Variants in ECPAS observed in about 807,000 individuals in gnomAD.
ECPAS encodes the protein Ecm29 proteasome adaptor and scaffold.
A neutral mutation model predicts 255.1 loss-of-function variants in ECPAS; 70 were observed. The observed-to-expected ratio is 0.27, with a 90% CI of 0.23 to 0.33. ECPAS has a LOEUF of 0.33. Ranked by LOEUF, ECPAS falls within the 10% of genes least tolerant of loss-of-function variation. The probability of loss-of-function intolerance (pLI) is 1.00; values close to 1 mark genes in which losing one functional copy is unlikely to be tolerated. For synonymous variants in ECPAS, 784 were observed against 775.0 expected (o/e 1.01, Z -0.19); for missense variants, 1,817 against 2,206.4 (o/e 0.82, Z 3.54).
intron 49 of ECPAS, 62 bp downstream of exon 49, chr9:111,363,526 A>G: frequency 9.7e-7 from 1 of 1,025,654 alleles, no homozygotes; most frequent in Non-Finnish European, 1.5e-6. Context: ...CGAAACAAAA[A>G]ATTTCTAAAA....
At chr9:111,468,361 G>A (rs906165017) in intron 2 of ECPAS, among the ~76,000 whole-genome samples, 1 of 152,138 alleles carries the variant, frequency 6.6e-6, no homozygotes. Flanking sequence ...TCAAACCCTA[G>A]ACAGTCCAAT....
At chr9:111,467,498 A>C (rs938532750) in intron 2 of ECPAS, among the ~76,000 whole-genome samples, 1 of 152,186 alleles carries the variant, frequency 6.6e-6, no homozygotes, top group Admixed American at 6.5e-5. Flanking sequence ...GACAGGTTTC[A>C]GGTTTTTTAA....
At position 111,360,851 on chromosome 9, in the gene ECPAS, T is replaced by C. The variant is rs2098112610; in HGVS notation, c.*1179A>G. On this transcript the variant is annotated 3_prime_UTR_variant, in exon 50 of 50. Transcript: ENST00000684092. ...AACGTCAATAAGGATGAGTACTGAA[T>C]GTAAACCAGTCTTCTGCTCTGGAAT... 6.6e-6 allele frequency: 1 copy of C among 152,200 alleles called. No individual in the cohort carries two copies. The highest frequency in any genetic ancestry group is 1.5e-5 in the Non-Finnish European group (1 of 68,034). 9.4% of individuals were successfully genotyped at this position (152,200 alleles called of 1,614,324 possible). A position where few individuals can be genotyped will look rare whatever the true frequency, so the allele number is the denominator to read the frequency against.
Position 111,391,967 on chromosome 9 carries a change from G to A in ECPAS, c.3093-143C>T, listed in dbSNP as rs545635503. The A allele has an allele frequency of 3.0e-3, 1,908 of 640,918 alleles. 5 individuals are homozygous for A. The highest frequency in any genetic ancestry group is 4.2e-3 in the Non-Finnish European group (1,548 of 366,492). The allele number at this position is 640,918 out of a possible 1,614,324, so 39.7% of individuals were successfully genotyped here. A position where few individuals can be genotyped will look rare whatever the true frequency, so the allele number is the denominator to read the frequency against. On this transcript the variant is annotated intron_variant, in intron 28 of 49. Transcript: ENST00000684092. ...ATATAAAAGTCCTTTCCGGCCGGGC[G>A]CGGTGGCTCACACCTATAATCCCAG...
Position 111,433,242 on chromosome 9 carries a change from C to G in ECPAS, c.839G>C (p.Ser280Thr). The G allele has an allele frequency of 2.5e-6, 4 of 1,613,828 alleles. No individual in the cohort carries two copies. Among genetic ancestry groups the G allele is most frequent in the Non-Finnish European group, 3.4e-6 (4 of 1,179,718 alleles). ...ACAGGGAAGTAGTTACCTCTGTTTG[C>G]TTTTCAATTCCAGGTCTGCTGCCGT... ...VATAADLELK[S>T]KQSLIDWNNP... The change falls in exon 8 of 50, where the codon AGC (serine) becomes ACC (threonine). Residue 280 changes from serine (S) to threonine (T), a missense_variant. By Grantham distance (58) the Ser-to-Thr change is moderately conservative (BLOSUM62 1). Around this residue, in one of 4 missense-constraint regions of ECPAS, gnomAD observed 573 missense variants for 716.2 expected, o/e 0.80. Coordinates refer to ENST00000684092, the MANE Select transcript of ECPAS (RefSeq NM_001364929.1).
chr9:111,477,274 A>G (rs1201226059), intron 1 of ECPAS, among the ~76,000 whole-genome samples: 1 of 149,452 alleles, frequency 6.7e-6, no homozygotes, highest in South Asian at 2.1e-4. Context: ...ACACCCGGCT[A>G]ATTTTTTTGT....
intron 7 of ECPAS, 57 bp from the exon 8 acceptor site, chr9:111,433,429 T>G: frequency 6.3e-7 from 1 of 1,579,778 alleles, no homozygotes; most frequent in Non-Finnish European, 8.7e-7. Context: ...GGACACCCAC[T>G]GAAAGTACTG....
chr9:111,376,343 A>C lies in ECPAS; in HGVS notation c.4020+133T>G. ...AGAAGAAAAGAGAAATATACTAAGAAAAAACTGGAGTCACAACAGCTGCTT... is the reference window on the plus strand; with the variant it reads ...AGAAGAAAAGAGAAATATACTAAGACAAAACTGGAGTCACAACAGCTGCTT... On this transcript the variant is annotated intron_variant, in intron 37 of 49. Transcript: ENST00000684092. 4.6e-6 allele frequency: 3 copies of C among 656,264 alleles called. No homozygotes were observed. The South Asian group carries it at 5.5e-5, about 12-fold the overall frequency. The allele number at this position is 656,264 out of a possible 1,614,324, so 40.7% of individuals were successfully genotyped here.
chr9:111,408,247 A>G (rs1423942408), intron 24 of ECPAS, among the ~76,000 whole-genome samples: 1 of 152,150 alleles, frequency 6.6e-6, no homozygotes, highest in East Asian at 1.9e-4. Context: ...TGAAATACCA[A>G]CTGAAACACT....
intron 36 of ECPAS, 85 bp downstream of exon 36, chr9:111,378,495 G>C (rs980296474): frequency 3.8e-5 from 52 of 1,369,734 alleles, no homozygotes; most frequent in Middle Eastern, 2.3e-4. Context: ...TAACAGTAGT[G>C]ACAGTGTCAT....
At chr9:111,432,254 T>C (rs1189458339) in intron 8 of ECPAS, among the ~76,000 whole-genome samples, 1 of 152,198 alleles carries the variant, frequency 6.6e-6, no homozygotes, top group Non-Finnish European at 1.5e-5. Flanking sequence ...TTATGATTCA[T>C]TACTTATTGC....
At chr9:111,453,772 A>G (rs947073572) in intron 2 of ECPAS, among the ~76,000 whole-genome samples, 4 of 151,996 alleles carry the variant, frequency 2.6e-5, no homozygotes, top group Admixed American at 1.3e-4. Context: ...CAACAGAAAA[A>G]CCCAAACTGG....
rs547273101 is a variant in ECPAS, at chr9:111,371,037, T to C, written c.4738-272A>G. ...ACAGAAAACAGTGTCAACCACAGAATTGGAATGATGTCTGACTCCCAGTCC... is the reference window on the plus strand; with the variant it reads ...ACAGAAAACAGTGTCAACCACAGAACTGGAATGATGTCTGACTCCCAGTCC... On this transcript the variant is annotated intron_variant, in intron 43 of 49. Coordinates refer to ENST00000684092, the MANE Select transcript of ECPAS (RefSeq NM_001364929.1). Among the ~76,000 whole-genome samples, 75 of 152,316 alleles carry C rather than the reference T, an allele frequency of 4.9e-4. No homozygotes were observed. In the South Asian group the frequency reaches 0.013, roughly 26 times the overall value.
At chr9:111,412,210 C>G in intron 20 of ECPAS, 62 bp from the exon 21 acceptor site, 1 of 1,364,222 alleles carries the variant, frequency 7.3e-7, no homozygotes, top group Non-Finnish European at 9.6e-7. Context: ...CTGATGACAA[C>G]ATCTTTTAAA....
chr9:111,429,672 C>A (rs961901166), intron 9 of ECPAS, among the ~76,000 whole-genome samples: 4 of 152,106 alleles, frequency 2.6e-5, no homozygotes, highest in Admixed American at 2.6e-4. Context: ...CTAACCAGGG[C>A]TAATATTGAT....
intron 43 of ECPAS, among the ~76,000 whole-genome samples, chr9:111,371,108 T>A (rs1249143642): frequency 6.6e-6 from 1 of 152,160 alleles, no homozygotes; most frequent in Non-Finnish European, 1.5e-5. Flanking sequence ...CTTTACAACA[T>A]AAAGATCATT....
At chr9:111,451,907 A>G (rs1256867309) in intron 2 of ECPAS, among the ~76,000 whole-genome samples, 1 of 152,236 alleles carries the variant, frequency 6.6e-6, no homozygotes, top group Non-Finnish European at 1.5e-5. Context: ...ATCAGATACC[A>G]TCAGTTATTA....
In ECPAS at chr9:111,371,821, C is replaced by T. The variant is rs749814307; in HGVS notation, c.4537G>A (p.Gly1513Ser). 3 of 1,609,620 alleles carry T rather than the reference C, an allele frequency of 1.9e-6. No homozygotes were observed. Among genetic ancestry groups the T allele is most frequent in the African/African-American group, 1.3e-5 (1 of 74,858 alleles). ...TCCTGCAGGTATAATCGAATGCCACCAAAGGATCCTAGGAAAGCAAAATTA... is the reference window on the plus strand; with the variant it reads ...TCCTGCAGGTATAATCGAATGCCACTAAAGGATCCTAGGAAAGCAAAATTA... ...VWQENVPGSFGGIRLYLQELI... is the reference protein window; with the variant it reads ...VWQENVPGSFSGIRLYLQELI... The change falls in exon 43 of 50, where the codon GGT (glycine) becomes AGT (serine). Residue 1513 changes from glycine (G) to serine (S), a missense_variant. This residue lies in a region of ECPAS where 960 missense variants were observed against 1,179.0 expected (regional missense o/e 0.81). Transcript: ENST00000684092.
chr9:111,425,702 G>T, intron 11 of ECPAS, 41 bp downstream of exon 11: 1 of 1,200,176 alleles, frequency 8.3e-7, no homozygotes. Context: ...AATCATTCCA[G>T]CAGCTTGAAA....
Sources: allele counts gnomAD v4.1 joint callset (sites outside exome capture counted in the v4.1 genomes callset), GRCh38; gene constraint gnomAD v4.1.1; regional missense constraint gnomAD v4.1.1; transcripts MANE v1.5; gene names NCBI Gene and HGNC (gene_info 2026-07-23, HGNC 2026-07-21).